The following GSG1L2 variants were observed in gnomAD, a reference collection of about 807,000 sequenced individuals.
The protein encoded by GSG1L2 is GSG1 like 2.
GSG1L2 carries 15 observed loss-of-function variants against 9.0 expected under a neutral mutation model. The ratio of observed to expected loss-of-function variants is 1.67; its 90% confidence interval spans 1.12 to 2.57. GSG1L2 has a LOEUF of 2.57. Among genes scored for constraint, GSG1L2 ranks in the 30% most tolerant of loss-of-function variants. The pLI, the probability that GSG1L2 is intolerant of heterozygous loss-of-function variation, is 0.00. For synonymous variants in GSG1L2, 127 were observed against 57.9 expected (o/e 2.19, Z -5.41); for missense variants, 286 against 150.3 (o/e 1.90, Z -4.72).
At chr17:9,809,241 G>A in intron 2 of GSG1L2, 1 of 462,692 alleles carries the variant, frequency 2.2e-6, no homozygotes, top group African/African-American at 2.0e-5. Context: ...ACCCTGCTGT[G>A]AGGATATGAG....
chr17:9,810,147 A>G (rs996951468), intron 2 of GSG1L2: 3 of 190,158 alleles, frequency 1.6e-5, no homozygotes, highest in Non-Finnish European at 2.2e-5. Flanking sequence ...AGCTGGGAGA[A>G]CAGACACTAA....
chr17:9,819,386 C>T (rs11867496), intron 1 of GSG1L2, among the ~76,000 whole-genome samples: 3 of 152,112 alleles, frequency 2.0e-5, no homozygotes, highest in African/African-American at 7.2e-5. Context: ...GAGTTAAATC[C>T]TATTTATTAT....
At chr17:9,812,279 T>C (rs910287995) in intron 1 of GSG1L2, among the ~76,000 whole-genome samples, 5 of 152,144 alleles carry the variant, frequency 3.3e-5, no homozygotes, top group African/African-American at 1.2e-4. Context: ...TTTTCTTTTA[T>C]AGGAGAGAAA....
At chr17:9,819,579 A>G (rs1161291901) in intron 1 of GSG1L2, among the ~76,000 whole-genome samples, 4 of 152,206 alleles carry the variant, frequency 2.6e-5, no homozygotes, top group African/African-American at 9.6e-5. Context: ...TAGCTTTTCA[A>G]AATGAGTTCA....
intron 4 of GSG1L2, among the ~76,000 whole-genome samples, chr17:9,803,518 G>C (rs528686434): frequency 5.3e-5 from 8 of 152,332 alleles, no homozygotes; most frequent in African/African-American, 1.9e-4. Flanking sequence ...ATGGTAATTA[G>C]CATCTGCTTT....
At position 9,821,768 on chromosome 17, in the gene GSG1L2, C is replaced by T. The variant is rs978143766; in HGVS notation, c.304G>A (p.Gly102Ser). ...LWQSCEESLN[G>S]EDEKCRSFRS... Reference sequence around the variant, plus strand: ...ATCTACAGGCTTTGCTCACCTTCACCGTTGAGGCTCTCCTCGCAGGACTGC... The same window carrying T: ...ATCTACAGGCTTTGCTCACCTTCACTGTTGAGGCTCTCCTCGCAGGACTGC... Residue 102 changes from glycine to serine, a missense_variant, in exon 1 of 5, where the codon GGT (glycine) becomes AGT (serine). Physicochemically the swap from Gly to Ser is moderately conservative, Grantham distance 56. Coordinates refer to ENST00000399363, the MANE Select transcript of GSG1L2 (RefSeq NM_001310219.2). 13 of 703,158 alleles carry T rather than the reference C, an allele frequency of 1.8e-5. No homozygotes were observed. Among genetic ancestry groups the T allele is most frequent in the African/African-American group, 5.2e-5 (3 of 57,368 alleles). The allele number at this position is 703,158 out of a possible 1,614,324, so 43.6% of individuals were successfully genotyped here. A position where few individuals can be genotyped will look rare whatever the true frequency, so the allele number is the denominator to read the frequency against.
rs1567712774 is a variant in GSG1L2, at chr17:9,822,046, G to GC, written c.25dup (p.Ala9GlyfsTer25). The GC allele has an allele frequency of 1.4e-6, 1 of 701,854 alleles. No individual in the cohort carries two copies. Among genetic ancestry groups the GC allele is most frequent in the Admixed American group, 2.0e-5 (1 of 50,014 alleles). The allele number at this position is 701,854 out of a possible 1,614,324, so 43.5% of individuals were successfully genotyped here. A position where few individuals can be genotyped will look rare whatever the true frequency, so the allele number is the denominator to read the frequency against. Reference sequence around the variant, plus strand: ...GAGGCAGACAGGGAGGAGGAGCAGCGCCTGCTGCTGCTTGGCCCTGTCCAT... The same window carrying GC: ...GAGGCAGACAGGGAGGAGGAGCAGCGCCCTGCTGCTGCTTGGCCCTGTCCAT... On this transcript the variant is annotated frameshift_variant, in exon 1 of 5. Transcript: ENST00000399363. LOFTEE classifies it high-confidence loss of function.
intron 1 of GSG1L2, among the ~76,000 whole-genome samples, chr17:9,818,528 T>TTTC (rs869251661): frequency 8.0e-6 from 1 of 125,400 alleles, no homozygotes; most frequent in Non-Finnish European, 1.7e-5. Context: ...TTTTTTTTTT[T>TTTC]GTATTTTAGT....
chr17:9,814,223 C>T (rs1489469733), intron 1 of GSG1L2, among the ~76,000 whole-genome samples: 3 of 152,330 alleles, frequency 2.0e-5, no homozygotes, highest in East Asian at 1.9e-4. Flanking sequence ...CGTGAGACAC[C>T]GCGCCTGGCC....
At chr17:9,815,878 A>T (rs1365701207) in intron 1 of GSG1L2, among the ~76,000 whole-genome samples, 2 of 152,140 alleles carry the variant, frequency 1.3e-5, no homozygotes, top group East Asian at 3.9e-4. Context: ...GCTTTAAGAG[A>T]TGCTCGAGTC....
intron 1 of GSG1L2, among the ~76,000 whole-genome samples, chr17:9,816,848 C>G (rs1181080699): frequency 4.6e-5 from 4 of 86,524 alleles, no homozygotes; most frequent in East Asian, 4.7e-3. Flanking sequence ...GTGTGTGTTT[C>G]TGTGTATCTG....
At chr17:9,813,417 A>G (rs999473296) in intron 1 of GSG1L2, among the ~76,000 whole-genome samples, 1 of 152,204 alleles carries the variant, frequency 6.6e-6, no homozygotes, top group African/African-American at 2.4e-5. Context: ...GAATATTTAC[A>G]CAGCCTGGGG....
chr17:9,810,459 A>C (rs1469221807), intron 2 of GSG1L2, 112 bp downstream of exon 2: 1 of 662,318 alleles, frequency 1.5e-6, no homozygotes, highest in African/African-American at 1.8e-5. Flanking sequence ...GCTGGACTTC[A>C]TGGAAAAATC....
chr17:9,821,235 C>T (rs565822139), intron 1 of GSG1L2, among the ~76,000 whole-genome samples: 90 of 152,268 alleles, frequency 5.9e-4, no homozygotes, highest in African/African-American at 2.0e-3. Context: ...ATGGAAGAGT[C>T]AAATTCCTCC....
intron 2 of GSG1L2, 37 bp from the exon 3 acceptor site, chr17:9,809,019 T>G (rs1370005838): frequency 1.4e-6 from 1 of 698,146 alleles, no homozygotes; most frequent in South Asian, 1.5e-5. Flanking sequence ...GCTGGACACT[T>G]CTAATTCAGA....
rs778892143 is a variant in GSG1L2, at chr17:9,802,594, A to G, written c.674T>C (p.Met225Thr). The change falls in exon 5 of 5, where the codon ATG becomes ACG. Residue 225 changes from methionine (M) to threonine (T), a missense_variant. Coordinates refer to ENST00000399363, the MANE Select transcript of GSG1L2 (RefSeq NM_001310219.2). The stretch of plus-strand genomic sequence containing the variant: ...CAGGCGGGCTGCCGTGAACCTGCTC[A>G]TGGCCGAGACCGACACAGCCAGGCA... ...ALCLAVSVSA[M>T]SRFTAARLEF... The G allele has an allele frequency of 5.7e-6, 4 of 702,666 alleles. No individual in the cohort carries two copies. Among genetic ancestry groups the G allele is most frequent in the African/African-American group, 5.2e-5 (3 of 57,164 alleles). 43.5% of individuals were successfully genotyped at this position (702,666 alleles called of 1,614,324 possible).
intron 4 of GSG1L2, among the ~76,000 whole-genome samples, chr17:9,806,735 G>C (rs2066517554): frequency 6.6e-6 from 1 of 152,172 alleles, no homozygotes; most frequent in Non-Finnish European, 1.5e-5. Context: ...AATTCAAAGG[G>C]GGGTAGCTAA....
Position 9,802,252 on chromosome 17 carries a change from G to A in GSG1L2, c.*134C>T, listed in dbSNP as rs1441335823. On this transcript the variant is annotated 3_prime_UTR_variant, in exon 5 of 5. Transcript: ENST00000399363. ...GCCAAAGGTGTTTAGTAAAAGGTGA[G>A]ATGTGGAGGGGTGGGGATGGAAGCT... 2 of 565,390 alleles carry A rather than the reference G, an allele frequency of 3.5e-6. No homozygotes were observed. The highest frequency in any genetic ancestry group is 3.2e-6 in the Non-Finnish European group (1 of 317,334). The allele number at this position is 565,390 out of a possible 1,614,324, so 35.0% of individuals were successfully genotyped here.
Position 9,801,664 on chromosome 17 carries a change from T to C in GSG1L2, c.*722A>G, listed in dbSNP as rs1016055454. Among the ~76,000 whole-genome samples the C allele has an allele frequency of 2.0e-5, 3 of 152,216 alleles. No homozygotes were observed. The highest frequency in any genetic ancestry group is 4.4e-5 in the Non-Finnish European group (3 of 68,040). On this transcript the variant is annotated 3_prime_UTR_variant, in exon 5 of 5. Transcript: ENST00000399363. ...ACCACTGCCTCCAACAAGACCTGCA[T>C]GTTTGGTAATGTTTATTTTTAGAAG... is the stretch of plus-strand genomic sequence containing the variant.
Sources: allele counts gnomAD v4.1 joint callset (sites outside exome capture counted in the v4.1 genomes callset), GRCh38; gene constraint gnomAD v4.1.1; transcripts MANE v1.5; gene names NCBI Gene and HGNC (gene_info 2026-07-23, HGNC 2026-07-21).